The following RALGAPA2 variants were observed in gnomAD, a reference collection of about 807,000 sequenced individuals.
RALGAPA2 encodes ral GTPase-activating protein subunit alpha-2.
Under a neutral mutation model 230.4 loss-of-function variants are expected in RALGAPA2, and 139 were observed. The observed-to-expected ratio is 0.60, with a 90% confidence interval of 0.53 to 0.69. The LOEUF (loss-of-function observed/expected upper bound fraction) is 0.69, where lower values mean the gene tolerates loss of function less well. RALGAPA2 is among the 30% of genes least tolerant of loss of function. The probability of loss-of-function intolerance (pLI) is 0.00; values close to 1 mark genes in which losing one functional copy is unlikely to be tolerated. For synonymous variants in RALGAPA2, 847 were observed against 837.8 expected (o/e 1.01, Z -0.19); for missense variants, 2,163 against 2,276.0 (o/e 0.95, Z 1.01).
chr20:20,684,134 A>G (rs778185186), intron 1 of RALGAPA2, among the ~76,000 whole-genome samples: 1 of 152,180 alleles, frequency 6.6e-6, no homozygotes, highest in Non-Finnish European at 1.5e-5. Flanking sequence ...CCTCTTTCAG[A>G]ACCTGGGTCA....
intron 18 of RALGAPA2, among the ~76,000 whole-genome samples, chr20:20,585,159 T>A (rs2065097424): frequency 6.6e-6 from 1 of 152,216 alleles, no homozygotes; most frequent in Non-Finnish European, 1.5e-5. Flanking sequence ...TTAATTTATA[T>A]CCTCTACTTT....
intron 35 of RALGAPA2, among the ~76,000 whole-genome samples, chr20:20,496,053 G>A (rs966129808): frequency 3.3e-5 from 5 of 152,136 alleles, no homozygotes; most frequent in African/African-American, 9.7e-5. Flanking sequence ...GACATGCACT[G>A]GGGCTTCCAA....
chr20:20,417,223 G>A (rs560215606), intron 37 of RALGAPA2, among the ~76,000 whole-genome samples: 276 of 152,296 alleles, frequency 1.8e-3, no homozygotes, highest in African/African-American at 6.1e-3. Flanking sequence ...TAGCTACCAC[G>A]TATGACCATC....
At chr20:20,483,513 A>G (rs1309327467) in intron 36 of RALGAPA2, among the ~76,000 whole-genome samples, 1 of 152,146 alleles carries the variant, frequency 6.6e-6, no homozygotes, top group Non-Finnish European at 1.5e-5. Context: ...CTCCACAGGT[A>G]AAATTTCCTC....
intron 18 of RALGAPA2, among the ~76,000 whole-genome samples, chr20:20,588,011 A>G (rs974824828): frequency 6.6e-6 from 1 of 152,190 alleles, no homozygotes; most frequent in South Asian, 2.1e-4. Context: ...GATGAATGGG[A>G]GCTCTACACA....
At chr20:20,411,176 GGAA>G (rs1297119350) in intron 38 of RALGAPA2, among the ~76,000 whole-genome samples, 11 of 152,086 alleles carry the variant, frequency 7.2e-5, no homozygotes, top group Non-Finnish European at 1.2e-4. Context: ...TTAAAGCAGT[GGAA>G]GAAGAAGGAA....
chr20:20,436,921 T>C (rs1263429279), intron 37 of RALGAPA2, among the ~76,000 whole-genome samples: 26 of 152,192 alleles, frequency 1.7e-4, no homozygotes, highest in Non-Finnish European at 1.5e-5. Flanking sequence ...CATCCGAGCC[T>C]GTGCATTGGC....
intron 36 of RALGAPA2, among the ~76,000 whole-genome samples, chr20:20,491,690 T>C (rs1029960169): frequency 2.6e-5 from 4 of 152,190 alleles, no homozygotes; most frequent in Non-Finnish European, 4.4e-5. Context: ...GCTGACTTAA[T>C]AATAAAAGCT....
intron 26 of RALGAPA2, 79 bp from the exon 27 acceptor site, chr20:20,531,874 C>T: frequency 1.8e-6 from 2 of 1,090,018 alleles, no homozygotes; most frequent in African/African-American, 1.6e-5. Context: ...TAACAAAACA[C>T]TTTAAATCTA....
intron 25 of RALGAPA2, among the ~76,000 whole-genome samples, chr20:20,536,337 G>A (rs2063496829): frequency 6.6e-6 from 1 of 152,176 alleles, no homozygotes; most frequent in Non-Finnish European, 1.5e-5. Context: ...TTAACTTGAT[G>A]CACTAATGCA....
At chr20:20,692,763 G>A (rs1305403106) in intron 1 of RALGAPA2, among the ~76,000 whole-genome samples, 1 of 152,178 alleles carries the variant, frequency 6.6e-6, no homozygotes, top group Non-Finnish European at 1.5e-5. Context: ...TTGCCACCCT[G>A]AGGACAAACC....
intron 38 of RALGAPA2, among the ~76,000 whole-genome samples, chr20:20,406,322 A>G (rs1341773105): frequency 6.6e-6 from 1 of 152,192 alleles, no homozygotes; most frequent in Non-Finnish European, 1.5e-5. Context: ...TGGTGATGGA[A>G]TGATAGCTGG....
chr20:20,407,468 C>T (rs1025201359), intron 38 of RALGAPA2, among the ~76,000 whole-genome samples: 2 of 152,166 alleles, frequency 1.3e-5, no homozygotes, highest in Non-Finnish European at 2.9e-5. Flanking sequence ...GGACTGCATG[C>T]GGAATGACGA....
intron 25 of RALGAPA2, 90 bp downstream of exon 25, chr20:20,536,566 C>A: frequency 7.2e-7 from 1 of 1,386,696 alleles, no homozygotes; most frequent in South Asian, 1.4e-5. Context: ...CAGGAATAAG[C>A]AGATTAATAT....
chr20:20,396,808 A>T lies in RALGAPA2; in HGVS notation c.5618-74T>A, dbSNP rs1189038312. ...ACAGCTCCAACTTGATAACTAACAC[A>T]GTGCTAATAATACATTTATCCCTGA... On this transcript the variant is annotated intron_variant, in intron 38 of 39. Coordinates refer to ENST00000202677, the MANE Select transcript of RALGAPA2 (RefSeq NM_020343.4). The T allele has an allele frequency of 4.8e-6, 6 of 1,243,318 alleles. No individual in the cohort carries two copies. In the South Asian group the frequency reaches 6.2e-5, roughly 13 times the overall value. The allele number at this position is 1,243,318 out of a possible 1,614,324, so 77.0% of individuals were successfully genotyped here.
At chr20:20,394,596 A>G (rs2122598440) in intron 39 of RALGAPA2, among the ~76,000 whole-genome samples, 1 of 150,872 alleles carries the variant, frequency 6.6e-6, no homozygotes, top group Non-Finnish European at 1.5e-5. Flanking sequence ...GCTTCACTGC[A>G]CTCCAGCTTA....
intron 3 of RALGAPA2, among the ~76,000 whole-genome samples, chr20:20,663,013 A>C (rs2067833046): frequency 1.3e-5 from 2 of 152,370 alleles, no homozygotes; most frequent in African/African-American, 4.8e-5. Context: ...AGAAGGAGGC[A>C]GACTAGACGA....
In RALGAPA2 at chr20:20,535,798, G is replaced by A; in HGVS notation, c.3420C>T (p.Tyr1140=). The change falls in exon 26 of 40, where the codon TAC becomes TAT. Residue 1140 remains tyrosine (Y), a synonymous_variant. Coordinates refer to ENST00000202677, the MANE Select transcript of RALGAPA2 (RefSeq NM_020343.4). The part of the protein sequence containing the change: ...AITGTEDVKH[Y]LINILLKNAT... ...CATTCTTCAGTAAAATATTTATGAG[G>A]TAATGCTAAAAACACAAAATTAAGT... 6.5e-7 allele frequency: 1 copy of A among 1,546,016 alleles called. No individual in the cohort carries two copies. The highest frequency in any genetic ancestry group is 8.7e-7 in the Non-Finnish European group (1 of 1,144,458).
At chr20:20,709,954 A>G (rs2069783744) in intron 1 of RALGAPA2, among the ~76,000 whole-genome samples, 1 of 152,224 alleles carries the variant, frequency 6.6e-6, no homozygotes, top group East Asian at 1.9e-4. Flanking sequence ...TGGGAAAGAA[A>G]CTGTTAAAGG....
Sources: allele counts gnomAD v4.1 joint callset (sites outside exome capture counted in the v4.1 genomes callset), GRCh38; gene constraint gnomAD v4.1.1; transcripts MANE v1.5; gene names NCBI Gene and HGNC (gene_info 2026-07-23, HGNC 2026-07-21).